PRKAG2: variants seen among roughly 807,000 people sequenced by gnomAD.
The protein encoded by PRKAG2 is protein kinase AMP-activated non-catalytic subunit gamma 2.
PRKAG2 carries 26 observed loss-of-function variants against 69.6 expected under a neutral mutation model. That is an observed-to-expected ratio of 0.37 (90% CI 0.27 to 0.52). The LOEUF (loss-of-function observed/expected upper bound fraction) is 0.52. Ranked by LOEUF, PRKAG2 falls within the 20% of genes least tolerant of loss-of-function variation. PRKAG2 has a pLI of 0.90. For missense variants in PRKAG2, 557 were observed against 740.0 expected, an observed-to-expected ratio of 0.75 and a Z score of 2.87; for synonymous variants, 293 against 285.0, an observed-to-expected ratio of 1.03 and a Z score of -0.28.
At chr7:151,594,917 G>A (rs55975707) in intron 6 of PRKAG2, among the ~76,000 whole-genome samples, 1,810 of 152,152 alleles carry the variant, frequency 0.012, 26 homozygotes, top group African/African-American at 0.041. Flanking sequence ...TCCTGTCTCA[G>A]GGTCCTGAGT....
At chr7:151,784,981 G>A (rs531640420) in intron 2 of PRKAG2, among the ~76,000 whole-genome samples, 14 of 152,374 alleles carry the variant, frequency 9.2e-5, no homozygotes, top group Non-Finnish European at 1.9e-4. Flanking sequence ...GCGTGGCGGT[G>A]CAGATAACAG....
In PRKAG2 at chr7:151,614,316, G is replaced by A. The variant is rs1382310296; in HGVS notation, c.754+17753C>T. On this transcript the variant is annotated intron_variant, in intron 5 of 15. Transcript: ENST00000287878. The surrounding 1 kb of genome is among the most constrained non-coding windows in gnomAD (Gnocchi z 4.4). ...GGGGCTGGCACCCCATGGCGATGGG[G>A]GAGCAGCAGCAGGGTGGCAGGGAGG... Among the ~76,000 whole-genome samples, 1 of 152,122 alleles carries A rather than the reference G, an allele frequency of 6.6e-6. No homozygotes were observed. The highest frequency in any genetic ancestry group is 2.4e-5 in the African/African-American group (1 of 41,438).
At chr7:151,844,488 C>T (rs1196707374) in intron 1 of PRKAG2, among the ~76,000 whole-genome samples, 2 of 152,138 alleles carry the variant, frequency 1.3e-5, no homozygotes, top group Non-Finnish European at 2.9e-5. Context: ...GCGTGTCCAT[C>T]GGAGCAGTGG....
At chr7:151,826,072 T>C (rs1307616271) in intron 1 of PRKAG2, among the ~76,000 whole-genome samples, 1 of 152,048 alleles carries the variant, frequency 6.6e-6, no homozygotes, top group East Asian at 1.9e-4. Flanking sequence ...GAGTACCTTT[T>C]CCCCAGTTGG....
chr7:151,658,414 G>A (rs974112969), intron 4 of PRKAG2, among the ~76,000 whole-genome samples: 2 of 149,908 alleles, frequency 1.3e-5, no homozygotes, highest in African/African-American at 2.5e-5. Flanking sequence ...GAACCTGGGA[G>A]GCAAAGGTTG....
rs767411151 is a variant in PRKAG2 at position 151,688,039 on chromosome 7, G to GA, written c.467-12403dup. Among the ~76,000 whole-genome samples, 154 of 47,710 alleles carry GA rather than the reference G, an allele frequency of 3.2e-3. 24 individuals are homozygous for GA. The Middle Eastern group carries it at 0.11, about 33-fold the overall frequency. The allele number at this position is 47,710 out of a possible 152,430, so 31.3% of individuals were successfully genotyped here. ...AGGAGGAGGAGGAGGAGGAGGAAAT[G>GA]AGGCCCCCCCCCGGGCTCCTTGCTG... On this transcript the variant is annotated intron_variant, in intron 3 of 15. Transcript: ENST00000287878.
chr7:151,773,046 AG>A (rs1335740659), intron 3 of PRKAG2, among the ~76,000 whole-genome samples: 12 of 36,594 alleles, frequency 3.3e-4, no homozygotes, highest in South Asian at 1.3e-3. Flanking sequence ...AGAGAGAGAG[AG>A]AGAGAGGGAG....
At chr7:151,770,160 C>T (rs975866752) in intron 3 of PRKAG2, among the ~76,000 whole-genome samples, 1 of 152,150 alleles carries the variant, frequency 6.6e-6, no homozygotes, top group East Asian at 1.9e-4. Context: ...TGATGCTGCC[C>T]CTTCCTTTTG....
At chr7:151,740,904 T>C (rs1305139797) in intron 3 of PRKAG2, among the ~76,000 whole-genome samples, 2 of 152,242 alleles carry the variant, frequency 1.3e-5, no homozygotes, top group Non-Finnish European at 2.9e-5. Flanking sequence ...TCCCCTGATA[T>C]ACTGATGGAT....
At chr7:151,868,828 C>A (rs1033119936) in intron 1 of PRKAG2, among the ~76,000 whole-genome samples, 11 of 152,150 alleles carry the variant, frequency 7.2e-5, no homozygotes, top group Non-Finnish European at 1.6e-4. Context: ...CCAAAATCAG[C>A]TCTTATAGGA....
intron 1 of PRKAG2, among the ~76,000 whole-genome samples, chr7:151,860,670 G>GTCCCCATGAGT (rs2079896311): frequency 6.6e-6 from 1 of 152,090 alleles, no homozygotes; most frequent in South Asian, 2.1e-4. Context: ...AAGGTGCAAA[G>GTCCCCATGAGT]TCCCCATGAG....
At chr7:151,703,411 C>T (rs116586145) in intron 3 of PRKAG2, among the ~76,000 whole-genome samples, 1,851 of 152,290 alleles carry the variant, frequency 0.012, 35 homozygotes, top group African/African-American at 0.042. Context: ...CCGCTGTGGC[C>T]GGAGCACTGG....
intron 3 of PRKAG2, among the ~76,000 whole-genome samples, chr7:151,707,821 C>T (rs528673878): frequency 6.6e-6 from 1 of 152,262 alleles, no homozygotes; most frequent in East Asian, 1.9e-4. Flanking sequence ...CCACAGAGCC[C>T]GTGATGTGCC....
Position 151,589,043 on chromosome 7 carries a change from A to G in PRKAG2, c.864+6302T>C, listed in dbSNP as rs373090106. Reference sequence around the variant, plus strand: ...TGCAGACCCTGTTTCGGTGTTGCCAACTGGCTCTATTTCAGGTTCTGACAA... The same window carrying G: ...TGCAGACCCTGTTTCGGTGTTGCCAGCTGGCTCTATTTCAGGTTCTGACAA... On this transcript the variant is annotated intron_variant, in intron 6 of 15. Coordinates refer to ENST00000287878, the MANE Select transcript of PRKAG2 (RefSeq NM_016203.4). 6.6e-4 allele frequency among the ~76,000 whole-genome samples: 101 copies of G among 152,176 alleles called. 1 individual carries two copies. In the Middle Eastern group the frequency reaches 0.031, roughly 46 times the overall value.
intron 4 of PRKAG2, among the ~76,000 whole-genome samples, chr7:151,671,434 C>T (rs1342381834): frequency 1.3e-5 from 2 of 152,146 alleles, no homozygotes; most frequent in Admixed American, 6.5e-5. Context: ...CAGAATCAGC[C>T]AAGCACATAA....
intron 6 of PRKAG2, among the ~76,000 whole-genome samples, chr7:151,588,780 C>T (rs548988619): frequency 8.5e-5 from 13 of 152,266 alleles, no homozygotes; most frequent in African/African-American, 2.9e-4. Flanking sequence ...TCCCCAGTCA[C>T]GTGGAACTGT....
intron 3 of PRKAG2, among the ~76,000 whole-genome samples, chr7:151,686,514 G>A (rs143243925): frequency 5.8e-4 from 88 of 152,214 alleles, no homozygotes; most frequent in East Asian, 4.1e-3. Context: ...ATGATGCCTC[G>A]TCCCCGGGTA....
chr7:151,872,391 G>C (rs1424391475), intron 1 of PRKAG2, among the ~76,000 whole-genome samples: 1 of 152,190 alleles, frequency 6.6e-6, no homozygotes, highest in Non-Finnish European at 1.5e-5. Flanking sequence ...ATGGAATGCT[G>C]TTTTCTTTAC....
At chr7:151,609,865 C>G (rs558933444) in intron 5 of PRKAG2, among the ~76,000 whole-genome samples, 1 of 152,362 alleles carries the variant, frequency 6.6e-6, no homozygotes, top group Non-Finnish European at 1.5e-5. Flanking sequence ...CCAGGCTTAG[C>G]GGTTCCGTGC....
Sources: allele counts gnomAD v4.1 joint callset (sites outside exome capture counted in the v4.1 genomes callset), GRCh38; gene constraint gnomAD v4.1.1; non-coding constraint Gnocchi (gnomAD v3.1); transcripts MANE v1.5; gene names NCBI Gene and HGNC (gene_info 2026-07-23, HGNC 2026-07-21).